BLM: variants seen among roughly 807,000 people sequenced by gnomAD.
BLM encodes BLM RecQ like helicase.
Under a neutral mutation model 135.3 loss-of-function variants are expected in BLM, and 95 were observed. The observed-to-expected ratio is 0.70, with a 90% CI of 0.59 to 0.83. BLM has a LOEUF of 0.83. Ranked by LOEUF, BLM falls within the 40% of genes least tolerant of loss-of-function variation. The pLI is 0.00. For missense variants in BLM, 1,518 were observed against 1,663.9 expected, an observed-to-expected ratio of 0.91 and a Z score of 1.53; for synonymous variants, 520 against 589.2, an observed-to-expected ratio of 0.88 and a Z score of 1.70.
chr15:90,809,212 C>T lies in BLM; in HGVS notation c.3827C>T (p.Ala1276Val), dbSNP rs760554566. Residue 1276 changes from alanine (A) to valine (V), a missense_variant, in exon 20 of 22, where the codon GCG (alanine) becomes GTG (valine). Around this residue, in one of 5 missense-constraint regions of BLM, gnomAD observed 153 missense variants for 173.4 expected, o/e 0.88. Coordinates refer to ENST00000355112, the MANE Select transcript of BLM (RefSeq NM_000057.4). ...VTEDKLEKYG[A>V]EVISVLQKYS... ...GAAGACAAACTGGAAAAATATGGTG[C>T]GGAAGTGATTTCAGTATTACAGAAA... 12 of 1,614,084 alleles carry T rather than the reference C, an allele frequency of 7.4e-6. No individual in the cohort carries two copies. Among genetic ancestry groups the T allele is most frequent in the East Asian group, 2.2e-5 (1 of 44,892 alleles).
At chr15:90,794,792 ATATT>A (rs1368320047) in intron 16 of BLM, among the ~76,000 whole-genome samples, 1 of 138,256 alleles carries the variant, frequency 7.2e-6, no homozygotes, top group African/African-American at 3.0e-5. Context: ...AATATTTTAA[ATATT>A]TAATTAATAT....
chr15:90,808,744 G>C (rs1335059489), intron 19 of BLM: 1 of 325,120 alleles, frequency 3.1e-6, no homozygotes, highest in African/African-American at 2.1e-5. Context: ...GAAGAGGCTG[G>C]AGCTGGAAAT....
intron 16 of BLM, among the ~76,000 whole-genome samples, chr15:90,797,874 G>T (rs1372070109): frequency 2.6e-5 from 4 of 152,164 alleles, no homozygotes; most frequent in Admixed American, 1.3e-4. Context: ...ATGTAACAGA[G>T]CACTATTCTA....
chr15:90,799,714 A>T (rs1897121516), intron 17 of BLM, among the ~76,000 whole-genome samples: 1 of 151,698 alleles, frequency 6.6e-6, no homozygotes, highest in Non-Finnish European at 1.5e-5. Context: ...AAGAGGAAAA[A>T]CTTTTCCTCA....
At chr15:90,802,656 TTTG>T (rs1897190482) in intron 17 of BLM, among the ~76,000 whole-genome samples, 1 of 152,142 alleles carries the variant, frequency 6.6e-6, no homozygotes, top group Non-Finnish European at 1.5e-5. Context: ...TCAAAAATTG[TTTG>T]TAGCCAGGCT....
In BLM at chr15:90,763,141, T is replaced by C. The variant is rs748410729; in HGVS notation, c.2058T>C (p.Phe686=). Residue 686 remains phenylalanine (F), a synonymous_variant, in exon 8 of 22, where the codon TTT becomes TTC. Coordinates refer to ENST00000355112, the MANE Select transcript of BLM (RefSeq NM_000057.4). ...INAALLGEDC[F]ILMPTGGGKS... Reference sequence around the variant, plus strand: ...CTGCACTGCTTGGTGAAGACTGTTTTATCCTGATGCCGACTGGTATGTATT... The same window carrying C: ...CTGCACTGCTTGGTGAAGACTGTTTCATCCTGATGCCGACTGGTATGTATT... 2 of 1,614,092 alleles carry C rather than the reference T, an allele frequency of 1.2e-6. No homozygotes were observed. The highest frequency in any genetic ancestry group is 1.6e-4 in the Middle Eastern group (1 of 6,062).
At chr15:90,775,784 T>A (rs939060199) in intron 12 of BLM, among the ~76,000 whole-genome samples, 1 of 152,126 alleles carries the variant, frequency 6.6e-6, no homozygotes, top group Non-Finnish European at 1.5e-5. Context: ...AGTTCTGGGA[T>A]TACTTGAGCC....
chr15:90,785,767 A>G (rs1405075956), intron 14 of BLM, among the ~76,000 whole-genome samples: 1 of 151,914 alleles, frequency 6.6e-6, no homozygotes, highest in African/African-American at 2.4e-5. Flanking sequence ...TCCTGGCCTC[A>G]AGTGATCCAC....
intron 12 of BLM, among the ~76,000 whole-genome samples, chr15:90,772,422 C>T (rs2151169184): frequency 6.6e-6 from 1 of 152,304 alleles, no homozygotes; most frequent in South Asian, 2.1e-4. Flanking sequence ...TAATAGCTAA[C>T]ACTTACATAT....
intron 1 of BLM, among the ~76,000 whole-genome samples, chr15:90,724,228 G>C (rs1452147756): frequency 6.6e-6 from 1 of 151,970 alleles, no homozygotes; most frequent in Non-Finnish European, 1.5e-5. Context: ...GCCTAGGCTG[G>C]TCTCAAACTC....
intron 12 of BLM, among the ~76,000 whole-genome samples, chr15:90,776,635 C>G (rs1188164622): frequency 6.6e-6 from 1 of 152,188 alleles, no homozygotes. Flanking sequence ...TATCCTCCTG[C>G]CTCAACCCGC....
chr15:90,793,660 T>A (rs535463583), intron 15 of BLM: 1 of 152,574 alleles, frequency 6.6e-6, no homozygotes, highest in East Asian at 1.9e-4. Flanking sequence ...ATTAACTACC[T>A]CAAGCTAATA....
chr15:90,761,235 A>G lies in BLM; in HGVS notation c.1862A>G (p.Glu621Gly). Residue 621 changes from glutamate (E) to glycine (G), a missense_variant, in exon 7 of 22, where the codon GAG becomes GGG. Physicochemically the swap from Glu to Gly is moderately conservative, Grantham distance 98. Transcript: ENST00000355112. ...SSTAQNINFS[E>G]SIQNYTDKSA... Reference sequence around the variant, plus strand: ...ACTGCTCAAAATATAAACTTCTCAGAGTCAATTCAGAATTATACTGGTAAG... The same window carrying G: ...ACTGCTCAAAATATAAACTTCTCAGGGTCAATTCAGAATTATACTGGTAAG... 6.5e-7 allele frequency: 1 copy of G among 1,537,024 alleles called. No individual in the cohort carries two copies. The highest frequency in any genetic ancestry group is 1.3e-5 in the South Asian group (1 of 77,816).
chr15:90,790,473 G>T (rs1229298850), intron 14 of BLM, 176 bp from the exon 15 acceptor site: 2 of 644,856 alleles, frequency 3.1e-6, no homozygotes, highest in Admixed American at 5.5e-5. Context: ...CAAGTTATCA[G>T]TATAAAAACT....
intron 15 of BLM, chr15:90,793,827 G>C (rs1385182530): frequency 1.2e-5 from 2 of 171,604 alleles, no homozygotes; most frequent in Non-Finnish European, 2.5e-5. Context: ...TCAGAGAAGT[G>C]CATGGCCACT....
chr15:90,784,563 C>T (rs912981595), intron 13 of BLM, among the ~76,000 whole-genome samples: 10 of 151,434 alleles, frequency 6.6e-5, no homozygotes, highest in African/African-American at 1.7e-4. Flanking sequence ...CTCGAACTCC[C>T]GACCTCAAAT....
intron 12 of BLM, among the ~76,000 whole-genome samples, chr15:90,782,392 A>AC (rs1328242905): frequency 6.6e-6 from 1 of 151,918 alleles, no homozygotes; most frequent in African/African-American, 2.4e-5. Flanking sequence ...TGTCTCAAAA[A>AC]AAAACAAAAC....
intron 5 of BLM, among the ~76,000 whole-genome samples, chr15:90,758,870 G>C (rs1459296119): frequency 6.6e-6 from 1 of 152,200 alleles, no homozygotes; most frequent in Non-Finnish European, 1.5e-5. Flanking sequence ...GAGGGAGTGG[G>C]AAGGGTAGGT....
intron 19 of BLM, among the ~76,000 whole-genome samples, chr15:90,805,104 G>A (rs1048299115): frequency 2.0e-5 from 3 of 151,868 alleles, no homozygotes; most frequent in Admixed American, 6.6e-5. Context: ...CCAAAGTGCT[G>A]GGATTATAGG....
Sources: allele counts gnomAD v4.1 joint callset (sites outside exome capture counted in the v4.1 genomes callset), GRCh38; gene constraint gnomAD v4.1.1; regional missense constraint gnomAD v4.1.1; transcripts MANE v1.5; gene names NCBI Gene and HGNC (gene_info 2026-07-23, HGNC 2026-07-21).